Variants in SPMAP2L observed in about 807,000 individuals in gnomAD.
The protein encoded by SPMAP2L is sperm microtubule associated protein 2-like.
the SPMAP2L span, among the ~76,000 whole-genome samples, chr4:56,614,353 G>A: frequency 6.6e-6 from 1 of 152,088 alleles, no homozygotes; most frequent in Non-Finnish European, 1.5e-5. Flanking sequence ...GATGGGGTAA[G>A]TTTTGAGTTC....
At chr4:56,530,875 C>T in the SPMAP2L span, 93 of 1,534,742 alleles carry the variant, frequency 6.1e-5, no homozygotes, top group Admixed American at 2.0e-5. Flanking sequence ...GGTCAGGGAG[C>T]AAGACCAGAG....
At chr4:56,582,863 C>G in the SPMAP2L span, among the ~76,000 whole-genome samples, 1 of 152,040 alleles carries the variant, frequency 6.6e-6, no homozygotes, top group South Asian at 2.1e-4. Context: ...GCAATCCATA[C>G]AATGGAATAT....
chr4:56,551,751 C>A, the SPMAP2L span, among the ~76,000 whole-genome samples: 1 of 152,152 alleles, frequency 6.6e-6, no homozygotes, highest in Non-Finnish European at 1.5e-5. Context: ...CATTAACAAA[C>A]AAGACACAGA....
At chr4:56,610,391 C>A in the SPMAP2L span, among the ~76,000 whole-genome samples, 1 of 152,104 alleles carries the variant, frequency 6.6e-6, no homozygotes, top group Non-Finnish European at 1.5e-5. Context: ...ATTGGCAAGC[C>A]ACATGTAGAA....
the SPMAP2L span, among the ~76,000 whole-genome samples, chr4:56,583,384 G>A: frequency 6.6e-6 from 1 of 152,236 alleles, no homozygotes; most frequent in East Asian, 1.9e-4. Context: ...TCTGAAATTA[G>A]ATAGTGGTGG....
the SPMAP2L span, among the ~76,000 whole-genome samples, chr4:56,581,499 A>G: frequency 1.3e-5 from 2 of 152,012 alleles, no homozygotes; most frequent in Non-Finnish European, 2.9e-5. Flanking sequence ...ACAAGCCTGT[A>G]GTACCAGCTA....
chr4:56,556,810 A>G, the SPMAP2L span, among the ~76,000 whole-genome samples: 4 of 151,816 alleles, frequency 2.6e-5, no homozygotes, highest in Admixed American at 1.3e-4. Flanking sequence ...GGGAGGTGGC[A>G]GTTGCAGTGA....
chr4:56,548,836 T>C, the SPMAP2L span: 5 of 1,468,300 alleles, frequency 3.4e-6, no homozygotes, highest in South Asian at 7.0e-5. Flanking sequence ...AAGACATAGT[T>C]ATAGTACTAT....
At chr4:56,583,309 C>T in the SPMAP2L span, among the ~76,000 whole-genome samples, 3 of 151,680 alleles carry the variant, frequency 2.0e-5, no homozygotes, top group African/African-American at 7.3e-5. Context: ...AAAGAAATTC[C>T]GGAATAGGCC....
At chr4:56,590,253 T>C in the SPMAP2L span, among the ~76,000 whole-genome samples, 1 of 152,196 alleles carries the variant, frequency 6.6e-6, no homozygotes, top group African/African-American at 2.4e-5. Context: ...CTGCATCTAT[T>C]GAGATGATCA....
At chr4:56,605,973 T>C in the SPMAP2L span, among the ~76,000 whole-genome samples, 11 of 152,228 alleles carry the variant, frequency 7.2e-5, no homozygotes, top group African/African-American at 2.4e-4. Context: ...GATTCTTGCA[T>C]GTTTTTACTT....
chr4:56,560,106 A>T, the SPMAP2L span, among the ~76,000 whole-genome samples: 1 of 152,218 alleles, frequency 6.6e-6, no homozygotes, highest in African/African-American at 2.4e-5. Context: ...ATACAAGGAT[A>T]CTTCCAGAAT....
At chr4:56,550,601 C>T in the SPMAP2L span, among the ~76,000 whole-genome samples, 1 of 152,268 alleles carries the variant, frequency 6.6e-6, no homozygotes, top group East Asian at 1.9e-4. Context: ...AGTGAGCAAG[C>T]TTTCCTGTGA....
At chr4:56,575,166 G>A in the SPMAP2L span, among the ~76,000 whole-genome samples, 1 of 151,652 alleles carries the variant, frequency 6.6e-6, no homozygotes, top group African/African-American at 2.4e-5. Flanking sequence ...GGAGAATGGC[G>A]TGAACCTGGG....
chr4:56,575,032 C>T, the SPMAP2L span, among the ~76,000 whole-genome samples: 1 of 151,992 alleles, frequency 6.6e-6, no homozygotes, highest in African/African-American at 2.4e-5. Context: ...CGGTGGATCA[C>T]GAGGTCAGGA....
the SPMAP2L span, chr4:56,595,598 C>A: frequency 2.3e-6 from 3 of 1,326,944 alleles, no homozygotes; most frequent in East Asian, 4.6e-5. Context: ...AACCAGAGAA[C>A]AAATTCTGGC....
At chr4:56,572,222 T>C in the SPMAP2L span, among the ~76,000 whole-genome samples, 1 of 152,358 alleles carries the variant, frequency 6.6e-6, no homozygotes, top group Admixed American at 6.5e-5. Context: ...CTGTACATAA[T>C]TGTATGTGCT....
the SPMAP2L span, among the ~76,000 whole-genome samples, chr4:56,589,081 C>A: frequency 6.6e-6 from 1 of 152,052 alleles, no homozygotes; most frequent in African/African-American, 2.4e-5. Flanking sequence ...CTCCGCCTCC[C>A]AGGTTCAAGT....
the SPMAP2L span, among the ~76,000 whole-genome samples, chr4:56,584,020 G>A: frequency 3.3e-5 from 5 of 151,452 alleles, no homozygotes; most frequent in Non-Finnish European, 7.4e-5. Context: ...AGGCTGGAGT[G>A]CAGTGGTGCA....
Sources: gnomAD v4.1 joint callset for allele counts (sites outside exome capture counted in the v4.1 genomes callset) on GRCh38, gnomAD v4.1.1 for gene constraint, MANE v1.5 for transcripts, NCBI Gene and HGNC (gene_info 2026-07-23, HGNC 2026-07-21) for gene names.